Variants in SCHIP1 observed in about 807,000 individuals in gnomAD.
SCHIP1 encodes the protein schwannomin interacting protein 1.
Under a neutral mutation model 29.7 loss-of-function variants are expected in SCHIP1, and 8 were observed. The observed-to-expected ratio is 0.27, with a 90% CI of 0.16 to 0.49. The LOEUF (loss-of-function observed/expected upper bound fraction) is 0.49, where lower values mean the gene tolerates loss of function less well. SCHIP1 is among the 20% of genes least tolerant of loss of function. The probability of loss-of-function intolerance (pLI) is 0.99; values close to 1 mark genes in which losing one functional copy is unlikely to be tolerated. For synonymous variants in SCHIP1, 76 were observed against 94.9 expected (o/e 0.80, Z 1.16); for missense variants, 193 against 294.6 (o/e 0.66, Z 2.52).
At chr3:159,320,794 G>T in the SCHIP1 span, among the ~76,000 whole-genome samples, 1 of 150,870 alleles carries the variant, frequency 6.6e-6, no homozygotes, top group African/African-American at 2.4e-5. Flanking sequence ...TTCAATAACA[G>T]CTCCCTTATT....
the SCHIP1 span, among the ~76,000 whole-genome samples, chr3:159,630,988 C>T: frequency 6.7e-6 from 1 of 148,646 alleles, no homozygotes; most frequent in East Asian, 2.0e-4. Context: ...AGGAAAGTAC[C>T]AAAAAAAAAG....
the SCHIP1 span, among the ~76,000 whole-genome samples, chr3:159,568,620 T>C: frequency 1.3e-5 from 2 of 152,118 alleles, no homozygotes; most frequent in Non-Finnish European, 2.9e-5. Flanking sequence ...TCTTAATACT[T>C]TGCAACAATT....
the SCHIP1 span, among the ~76,000 whole-genome samples, chr3:159,299,966 G>T: frequency 2.6e-5 from 4 of 152,086 alleles, no homozygotes; most frequent in Non-Finnish European, 5.9e-5. Flanking sequence ...GCAGAGTAAA[G>T]CAAGACCTTG....
chr3:159,479,034 A>G, the SCHIP1 span, among the ~76,000 whole-genome samples: 1 of 152,066 alleles, frequency 6.6e-6, no homozygotes, highest in Non-Finnish European at 1.5e-5. Flanking sequence ...CCTTTCCTAT[A>G]AAAATGTCTT....
chr3:159,594,849 T>C, the SCHIP1 span, among the ~76,000 whole-genome samples: 2 of 152,226 alleles, frequency 1.3e-5, no homozygotes, highest in Non-Finnish European at 2.9e-5. Context: ...GGAAGCCTGG[T>C]TGTTCACTTA....
chr3:159,594,913 G>T, the SCHIP1 span, among the ~76,000 whole-genome samples: 1 of 152,076 alleles, frequency 6.6e-6, no homozygotes, highest in Non-Finnish European at 1.5e-5. Context: ...AGGATGTCAG[G>T]TCTCCAACCC....
chr3:159,353,870 A>T, the SCHIP1 span, among the ~76,000 whole-genome samples: 245 of 152,340 alleles, frequency 1.6e-3, 3 homozygotes, highest in African/African-American at 5.7e-3. Flanking sequence ...ATGCAACATC[A>T]GTTCCATTAA....
At chr3:159,819,806 C>G in the SCHIP1 span, among the ~76,000 whole-genome samples, 1 of 152,200 alleles carries the variant, frequency 6.6e-6, no homozygotes, top group African/African-American at 2.4e-5. Context: ...AGGCCAGTAG[C>G]CTAAGGGAAG....
chr3:159,286,132 A>G, the SCHIP1 span, among the ~76,000 whole-genome samples: 5,005 of 152,110 alleles, frequency 0.033, 261 homozygotes, highest in African/African-American at 0.11. Flanking sequence ...GGTAAATTCC[A>G]TGTCATGGGG....
At chr3:159,282,246 C>A in the SCHIP1 span, among the ~76,000 whole-genome samples, 1 of 151,888 alleles carries the variant, frequency 6.6e-6, no homozygotes, top group Non-Finnish European at 1.5e-5. Flanking sequence ...TGTGCTAGTT[C>A]TGTTAATTTA....
chr3:159,352,924 G>A, the SCHIP1 span, among the ~76,000 whole-genome samples: 1 of 152,076 alleles, frequency 6.6e-6, no homozygotes, highest in African/African-American at 2.4e-5. Flanking sequence ...TAATTCAGGT[G>A]GTACACAGCT....
the SCHIP1 span, among the ~76,000 whole-genome samples, chr3:159,731,715 C>G: frequency 6.6e-6 from 1 of 152,180 alleles, no homozygotes. Context: ...CTCAAGGAAG[C>G]CAAACCTGAA....
chr3:159,878,094 T>TC (rs1386040322), intron 2 of SCHIP1, among the ~76,000 whole-genome samples: 19 of 152,316 alleles, frequency 1.2e-4, no homozygotes, highest in African/African-American at 3.6e-4. Flanking sequence ...GCCATCCTCT[T>TC]CCAGCCATCA....
the SCHIP1 span, among the ~76,000 whole-genome samples, chr3:159,784,959 A>G: frequency 6.6e-6 from 1 of 152,304 alleles, no homozygotes; most frequent in African/African-American, 2.4e-5. Flanking sequence ...GGCCCAAGTA[A>G]ATGGTTTTAA....
the SCHIP1 span, among the ~76,000 whole-genome samples, chr3:159,455,312 C>T: frequency 1.2e-4 from 19 of 152,236 alleles, no homozygotes; most frequent in Non-Finnish European, 2.2e-4. Context: ...AGAAGTGAGG[C>T]ACTAGAAGAC....
chr3:159,626,008 C>T, the SCHIP1 span, among the ~76,000 whole-genome samples: 3 of 151,178 alleles, frequency 2.0e-5, no homozygotes, highest in Admixed American at 6.6e-5. Flanking sequence ...ACATGAACAG[C>T]GATGGTAGTT....
At chr3:159,509,577 A>G in the SCHIP1 span, among the ~76,000 whole-genome samples, 8 of 152,198 alleles carry the variant, frequency 5.3e-5, no homozygotes, top group East Asian at 1.2e-3. Context: ...GGTCTTTACA[A>G]TTTGGCATGT....
chr3:159,828,450 TAC>T, the SCHIP1 span, among the ~76,000 whole-genome samples: 4 of 126,342 alleles, frequency 3.2e-5, no homozygotes, highest in Non-Finnish European at 6.6e-5. Context: ...CGTATATATA[TAC>T]GTATATATAT....
chr3:159,609,441 A>T, the SCHIP1 span, among the ~76,000 whole-genome samples: 290 of 152,320 alleles, frequency 1.9e-3, no homozygotes, highest in Non-Finnish European at 3.6e-3. Flanking sequence ...AGTTGTTTGT[A>T]AATATCCAGG....
Sources: allele counts gnomAD v4.1 joint callset (sites outside exome capture counted in the v4.1 genomes callset), GRCh38; gene constraint gnomAD v4.1.1; transcripts MANE v1.5; gene names NCBI Gene and HGNC (gene_info 2026-07-23, HGNC 2026-07-21).